Variants in PTPRQ observed in about 807,000 individuals in gnomAD.
PTPRQ encodes the protein protein tyrosine phosphatase receptor type Q, also known as phosphatidylinositol phosphatase PTPRQ.
Under a neutral mutation model 246.0 loss-of-function variants are expected in PTPRQ, and 199 were observed. The observed-to-expected ratio is 0.81, with a 90% CI of 0.72 to 0.91. The LOEUF (loss-of-function observed/expected upper bound fraction) is 0.91. Ranked by LOEUF, PTPRQ falls within the 40% of genes least tolerant of loss-of-function variation. The pLI is 0.00. For missense variants in PTPRQ, 2,624 were observed against 2,528.4 expected (o/e 1.04, Z -0.81); for synonymous variants, 869 against 853.2 (o/e 1.02, Z -0.32).
intron 25 of PTPRQ, among the ~76,000 whole-genome samples, chr12:80,581,034 C>T (rs1457793663): frequency 6.6e-6 from 1 of 152,106 alleles, no homozygotes; most frequent in African/African-American, 2.4e-5. Context: ...TAACAAACAC[C>T]AGCTATCCTA....
chr12:80,521,826 G>A (rs1895501840), intron 17 of PTPRQ, among the ~76,000 whole-genome samples: 1 of 152,176 alleles, frequency 6.6e-6, no homozygotes, highest in Admixed American at 6.5e-5. Flanking sequence ...TTTTGGCTTA[G>A]GATTGACTTG....
chr12:80,463,058 C>G (rs1434977408), intron 6 of PTPRQ, among the ~76,000 whole-genome samples: 2 of 152,166 alleles, frequency 1.3e-5, no homozygotes, highest in Non-Finnish European at 2.9e-5. Flanking sequence ...TTCGGACGAT[C>G]AAACTACTCC....
chr12:80,606,943 C>T (rs1170866943), intron 27 of PTPRQ, among the ~76,000 whole-genome samples: 1 of 150,786 alleles, frequency 6.6e-6, no homozygotes, highest in African/African-American at 2.4e-5. Flanking sequence ...AAATAGTTCT[C>T]CCTTGGAAAT....
chr12:80,567,052 C>A (rs1386805115), intron 25 of PTPRQ, among the ~76,000 whole-genome samples: 1 of 152,094 alleles, frequency 6.6e-6, no homozygotes, highest in Non-Finnish European at 1.5e-5. Context: ...AAATAGGATG[C>A]CATACTCAGA....
At chr12:80,661,735 T>G (rs555723340) in intron 39 of PTPRQ, among the ~76,000 whole-genome samples, 40 of 151,904 alleles carry the variant, frequency 2.6e-4, no homozygotes, top group African/African-American at 9.6e-4. Context: ...TGATAGGCAC[T>G]AAAATGTCAT....
At chr12:80,675,251 T>C (rs1901098726) in intron 43 of PTPRQ, among the ~76,000 whole-genome samples, 1 of 152,174 alleles carries the variant, frequency 6.6e-6, no homozygotes, top group African/African-American at 2.4e-5. Context: ...TTGAAAATCT[T>C]AAAATTACAT....
rs1426952033 is a variant in PTPRQ, at chr12:80,468,981, G to A, written c.1039+143G>A. The A allele has an allele frequency of 2.5e-5, 30 of 1,178,888 alleles. No individual in the cohort carries two copies. The East Asian group carries it at 6.7e-4, about 26-fold the overall frequency. The allele number at this position is 1,178,888 out of a possible 1,614,324, so 73.0% of individuals were successfully genotyped here. A position where few individuals can be genotyped will look rare whatever the true frequency, so the allele number is the denominator to read the frequency against. ...AAACAATAGGAAAGTCATAAGGAAG[G>A]GGAGGTCCTTTGATTTTTTAATTCA... On this transcript the variant is annotated intron_variant, in intron 7 of 44. Transcript: ENST00000644991.
intron 6 of PTPRQ, among the ~76,000 whole-genome samples, chr12:80,467,180 T>A (rs1229709781): frequency 2.6e-5 from 4 of 151,864 alleles, no homozygotes; most frequent in African/African-American, 9.7e-5. Context: ...AAGAACCCCA[T>A]CAAAAAGTGG....
At chr12:80,615,906 C>T (rs917203448) in intron 29 of PTPRQ, among the ~76,000 whole-genome samples, 5 of 150,868 alleles carry the variant, frequency 3.3e-5, no homozygotes, top group Non-Finnish European at 4.5e-5. Flanking sequence ...CTGTTTAGAT[C>T]ACTCAGCCTT....
At chr12:80,480,392 A>G (rs965694451) in intron 8 of PTPRQ, among the ~76,000 whole-genome samples, 2 of 152,076 alleles carry the variant, frequency 1.3e-5, no homozygotes, top group African/African-American at 2.4e-5. Flanking sequence ...AGGGAAATTT[A>G]TAGCACTAAA....
rs1186255667 is a variant in PTPRQ at position 80,541,652 on chromosome 12, C to G, written c.3252C>G (p.Val1084=). ...CACCGGCTCAACCAAACGGTCTAGT[C>G]TTCTACTATGTTTCACTGATCTTAC... ...WVPPAQPNGL[V]FYYVSLILQQ... The change falls in exon 21 of 45, where the codon GTC becomes GTG. Residue 1084 remains valine, a synonymous_variant. Coordinates refer to ENST00000644991, the MANE Select transcript of PTPRQ (RefSeq NM_001145026.2). 35 of 1,551,088 alleles carry G rather than the reference C, an allele frequency of 2.3e-5. No homozygotes were observed. The highest frequency in any genetic ancestry group is 3.1e-5 in the Non-Finnish European group (35 of 1,146,610).
At chr12:80,515,087 G>C (rs2120733351) in intron 17 of PTPRQ, among the ~76,000 whole-genome samples, 1 of 152,130 alleles carries the variant, frequency 6.6e-6, no homozygotes, top group East Asian at 1.9e-4. Context: ...GTAAGGTATA[G>C]TAAGTGTAGC....
intron 42 of PTPRQ, among the ~76,000 whole-genome samples, chr12:80,671,620 C>A (rs916096462): frequency 1.3e-5 from 2 of 152,124 alleles, no homozygotes. Flanking sequence ...CCAACTTCAA[C>A]TTCTCACCTT....
chr12:80,448,135 AT>A (rs201054857), intron 3 of PTPRQ, among the ~76,000 whole-genome samples: 4 of 151,486 alleles, frequency 2.6e-5, no homozygotes, highest in African/African-American at 9.7e-5. Context: ...TAGATATTTT[AT>A]TTTTTTTGTG....
At chr12:80,600,317 G>A (rs1381362755) in intron 26 of PTPRQ, among the ~76,000 whole-genome samples, 4 of 151,676 alleles carry the variant, frequency 2.6e-5, no homozygotes, top group Non-Finnish European at 5.9e-5. Context: ...TAGTATTAAA[G>A]GAATGATTGC....
At chr12:80,504,241 C>T (rs1277199098) in intron 14 of PTPRQ, among the ~76,000 whole-genome samples, 1 of 151,674 alleles carries the variant, frequency 6.6e-6, no homozygotes, top group Non-Finnish European at 1.5e-5. Flanking sequence ...TCAATACTAT[C>T]ATCCTTTTCA....
At chr12:80,573,820 A>G (rs183548739) in intron 25 of PTPRQ, among the ~76,000 whole-genome samples, 1 of 152,068 alleles carries the variant, frequency 6.6e-6, no homozygotes, top group Non-Finnish European at 1.5e-5. Context: ...AATGTTCTCT[A>G]TTGTTTTTGT....
At chr12:80,594,384 A>G (rs913232837) in intron 26 of PTPRQ, among the ~76,000 whole-genome samples, 1 of 152,178 alleles carries the variant, frequency 6.6e-6, no homozygotes, top group Non-Finnish European at 1.5e-5. Context: ...TCTTGCTGCC[A>G]CTAGAGAAAA....
intron 25 of PTPRQ, among the ~76,000 whole-genome samples, chr12:80,554,543 AAATTT>A (rs1198499648): frequency 1.8e-4 from 27 of 152,278 alleles, no homozygotes; most frequent in Middle Eastern, 6.8e-3. Flanking sequence ...TCAGATGCAA[AAATTT>A]AATTTAGGGA....
Sources: allele counts gnomAD v4.1 joint callset (sites outside exome capture counted in the v4.1 genomes callset), GRCh38; gene constraint gnomAD v4.1.1; transcripts MANE v1.5; gene names NCBI Gene and HGNC (gene_info 2026-07-23, HGNC 2026-07-21).